PCDH7: variants seen among roughly 807,000 people sequenced by gnomAD.
The protein encoded by PCDH7 is protocadherin 7.
PCDH7 carries 17 observed loss-of-function variants against 58.9 expected under a neutral mutation model. That is an observed-to-expected ratio of 0.29 (90% CI 0.20 to 0.43). The LOEUF is 0.43. Ranked by LOEUF, PCDH7 falls within the 20% of genes least tolerant of loss-of-function variation. The pLI, the probability that PCDH7 is intolerant of heterozygous loss-of-function variation, is 1.00. For missense variants in PCDH7, 1,274 were observed against 1,441.0 expected, an observed-to-expected ratio of 0.88 and a Z score of 1.88; for synonymous variants, 664 against 616.4, an observed-to-expected ratio of 1.08 and a Z score of -1.14.
chr4:30,794,205 G>A (rs1724496444), intron 1 of PCDH7, among the ~76,000 whole-genome samples: 1 of 151,876 alleles, frequency 6.6e-6, no homozygotes, highest in South Asian at 2.1e-4. Context: ...TGTGAATATT[G>A]GACTATAAAA....
intron 1 of PCDH7, among the ~76,000 whole-genome samples, chr4:30,768,179 T>C (rs1560349324): frequency 6.6e-6 from 1 of 150,898 alleles, no homozygotes; most frequent in African/African-American, 2.4e-5. Context: ...CATCAATCAA[T>C]TGATGAGCCT....
chr4:30,726,585 T>C (rs1191153911), intron 1 of PCDH7, among the ~76,000 whole-genome samples: 1 of 151,958 alleles, frequency 6.6e-6, no homozygotes, highest in Admixed American at 6.6e-5. Context: ...TAAACTAATA[T>C]ATGGTGTTAG....
chr4:31,082,425 A>C (rs1711614861), intron 3 of PCDH7, among the ~76,000 whole-genome samples: 1 of 152,194 alleles, frequency 6.6e-6, no homozygotes, highest in African/African-American at 2.4e-5. Context: ...AAATATGGTA[A>C]AATAAAGTTT....
chr4:30,951,464 T>G (rs1300902120), intron 3 of PCDH7, among the ~76,000 whole-genome samples: 1 of 152,098 alleles, frequency 6.6e-6, no homozygotes, highest in African/African-American at 2.4e-5. Flanking sequence ...TTATATTTTG[T>G]TTTAACCTTG....
intron 3 of PCDH7, among the ~76,000 whole-genome samples, chr4:31,019,079 C>T (rs1280283026): frequency 6.6e-6 from 1 of 152,018 alleles, no homozygotes; most frequent in Non-Finnish European, 1.5e-5. Flanking sequence ...ATTGACTCAA[C>T]ATTCCATTTT....
chr4:31,106,616 T>C (rs909704200), intron 3 of PCDH7, among the ~76,000 whole-genome samples: 4 of 152,238 alleles, frequency 2.6e-5, no homozygotes, highest in Non-Finnish European at 5.9e-5. Context: ...GTCATGTTAC[T>C]TCCTATTTAA....
intron 3 of PCDH7, among the ~76,000 whole-genome samples, chr4:31,027,146 C>A (rs1754502405): frequency 6.6e-6 from 1 of 152,082 alleles, no homozygotes; most frequent in African/African-American, 2.4e-5. Context: ...TTACCAGACC[C>A]AACTCTTTCT....
intron 1 of PCDH7, among the ~76,000 whole-genome samples, chr4:30,876,144 G>A (rs1429876659): frequency 6.6e-6 from 1 of 152,060 alleles, no homozygotes; most frequent in Non-Finnish European, 1.5e-5. Context: ...TCACATGTTT[G>A]TCAGCTAGAG....
At chr4:30,754,200 G>T (rs1718974734) in intron 1 of PCDH7, among the ~76,000 whole-genome samples, 1 of 149,866 alleles carries the variant, frequency 6.7e-6, no homozygotes, top group African/African-American at 2.5e-5. Flanking sequence ...TTTTTCTGGA[G>T]GGAGGAGGAA....
chr4:31,007,861 C>T (rs2109147027), intron 3 of PCDH7, among the ~76,000 whole-genome samples: 1 of 152,194 alleles, frequency 6.6e-6, no homozygotes, highest in South Asian at 2.1e-4. Context: ...ACCCTTGAAG[C>T]TTCATTGAAA....
At chr4:31,096,160 C>A (rs779422548) in intron 3 of PCDH7, among the ~76,000 whole-genome samples, 6 of 152,100 alleles carry the variant, frequency 3.9e-5, no homozygotes, top group Non-Finnish European at 7.4e-5. Context: ...CAAGTTATTG[C>A]CAATGATTTG....
chr4:30,901,120 A>G (rs1740160088), intron 1 of PCDH7, among the ~76,000 whole-genome samples: 1 of 152,176 alleles, frequency 6.6e-6, no homozygotes, highest in East Asian at 1.9e-4. Flanking sequence ...TTAAAAAACA[A>G]CACCCAGCCA....
At chr4:30,737,876 C>T (rs1160323249), downstream of PCDH7, among the ~76,000 whole-genome samples, 1 of 152,176 alleles carries the variant, frequency 6.6e-6, no homozygotes, top group African/African-American at 2.4e-5. Flanking sequence ...GATGTTATGA[C>T]AAAATACCCC....
intron 1 of PCDH7, among the ~76,000 whole-genome samples, chr4:30,883,653 TCTC>T (rs1737293426): frequency 6.6e-6 from 1 of 152,192 alleles, no homozygotes; most frequent in Non-Finnish European, 1.5e-5. Context: ...TATTTTCTCC[TCTC>T]TTCTCCTTTT....
chr4:30,881,015 T>G (rs1736895153), intron 1 of PCDH7, among the ~76,000 whole-genome samples: 1 of 152,146 alleles, frequency 6.6e-6, no homozygotes, highest in Non-Finnish European at 1.5e-5. Flanking sequence ...CTTTCTCAAC[T>G]CCAAGACCAT....
chr4:31,075,528 T>C (rs1031149822), intron 3 of PCDH7, among the ~76,000 whole-genome samples: 1 of 152,180 alleles, frequency 6.6e-6, no homozygotes. Flanking sequence ...GTCTGAGATA[T>C]GTATACTTGT....
At chr4:31,039,810 C>T (rs980269136) in intron 3 of PCDH7, among the ~76,000 whole-genome samples, 15 of 152,066 alleles carry the variant, frequency 9.9e-5, no homozygotes, top group Admixed American at 3.3e-4. Context: ...CTTAAGATCA[C>T]GGAGTAAATT....
chr4:31,029,975 C>T (rs1464966958), intron 3 of PCDH7, among the ~76,000 whole-genome samples: 1 of 152,086 alleles, frequency 6.6e-6, no homozygotes, highest in Non-Finnish European at 1.5e-5. Flanking sequence ...TGGGTTCTAA[C>T]AAGTCTTGAA....
At position 30,767,455 on chromosome 4, in the gene PCDH7, T is replaced by G. The variant is rs528516598; in HGVS notation, c.70+42859T>G. Reference sequence around the variant, plus strand: ...AGTGGTAAACTTGCCTCTGAGAAATTAATGAAGGGGCAACTTCACAGCCCG... The same window carrying G: ...AGTGGTAAACTTGCCTCTGAGAAATGAATGAAGGGGCAACTTCACAGCCCG... On this transcript the variant is annotated intron_variant, in intron 1 of 3. Transcript: ENST00000509759. Among the ~76,000 whole-genome samples the G allele has an allele frequency of 2.0e-5, 3 of 152,274 alleles. No individual in the cohort carries two copies. In the East Asian group the frequency reaches 5.8e-4, roughly 29 times the overall value.
Sources: gnomAD v4.1 joint callset for allele counts (sites outside exome capture counted in the v4.1 genomes callset) on GRCh38, gnomAD v4.1.1 for gene constraint, MANE v1.5 for transcripts, NCBI Gene and HGNC (gene_info 2026-07-23, HGNC 2026-07-21) for gene names.